Variants in SAMD12 observed in about 807,000 individuals in gnomAD.
SAMD12 encodes sterile alpha motif domain-containing protein 12.
In SAMD12, 9 loss-of-function variants were observed where a neutral mutation model predicts 15.0. The observed-to-expected ratio is 0.60, with a 90% CI of 0.36 to 1.05. SAMD12 has a LOEUF of 1.05. Among genes scored for constraint, SAMD12 ranks in the 50% least tolerant of loss-of-function variants. The pLI is 0.01. For missense variants in SAMD12, 230 were observed against 234.2 expected, an observed-to-expected ratio of 0.98 and a Z score of 0.12; for synonymous variants, 86 against 90.1, an observed-to-expected ratio of 0.96 and a Z score of 0.25.
intron 4 of SAMD12, among the ~76,000 whole-genome samples, chr8:118,334,305 T>C (rs1297682346): frequency 1.3e-5 from 2 of 152,144 alleles, no homozygotes; most frequent in African/African-American, 2.4e-5. Context: ...GCATAAGCTA[T>C]GTACACAGTA....
chr8:118,539,864 C>T (rs536930052), intron 2 of SAMD12, among the ~76,000 whole-genome samples: 1 of 152,270 alleles, frequency 6.6e-6, no homozygotes, highest in South Asian at 2.1e-4. Flanking sequence ...CACATAGAAG[C>T]AGAGGAAAAA....
intron 4 of SAMD12, among the ~76,000 whole-genome samples, chr8:118,200,735 G>A (rs993880952): frequency 6.6e-6 from 1 of 152,182 alleles, no homozygotes; most frequent in African/African-American, 2.4e-5. Flanking sequence ...TGGGCTTTAT[G>A]GGAGGACAAG....
chr8:118,416,987 T>C (rs1015168734), intron 3 of SAMD12, among the ~76,000 whole-genome samples: 1 of 152,184 alleles, frequency 6.6e-6, no homozygotes, highest in African/African-American at 2.4e-5. Flanking sequence ...GGTTTTTAAT[T>C]TTTATAAATG....
chr8:118,239,683 G>A (rs1341248403), intron 4 of SAMD12, among the ~76,000 whole-genome samples: 3 of 152,064 alleles, frequency 2.0e-5, no homozygotes, highest in African/African-American at 4.8e-5. Flanking sequence ...CTCGATATGT[G>A]GGCTAGGATA....
At chr8:118,478,055 TTGCC>T (rs1471135095) in intron 2 of SAMD12, among the ~76,000 whole-genome samples, 1 of 151,276 alleles carries the variant, frequency 6.6e-6, no homozygotes, top group Non-Finnish European at 1.5e-5. Flanking sequence ...TTCAATAATA[TTGCC>T]TGCCTGACTC....
intron 1 of SAMD12, among the ~76,000 whole-genome samples, chr8:118,615,703 T>C (rs528316926): frequency 1.3e-4 from 20 of 152,326 alleles, no homozygotes; most frequent in Middle Eastern, 3.4e-3. Flanking sequence ...AGAACACAGC[T>C]ACACCAGCAA....
chr8:118,372,610 A>T (rs1044854301), intron 4 of SAMD12, among the ~76,000 whole-genome samples: 1 of 152,154 alleles, frequency 6.6e-6, no homozygotes, highest in Non-Finnish European at 1.5e-5. Flanking sequence ...TAGTGAAATA[A>T]AAATCAGTGT....
the SAMD12 span, among the ~76,000 whole-genome samples, chr8:118,136,434 G>C: frequency 6.6e-6 from 1 of 152,200 alleles, no homozygotes; most frequent in Non-Finnish European, 1.5e-5. Flanking sequence ...GAGAACTTAA[G>C]AAGGCTTAAC....
chr8:118,447,704 A>ATATTTATTTATTTATTTATTTATT (rs71292164), intron 2 of SAMD12, among the ~76,000 whole-genome samples: 9 of 138,258 alleles, frequency 6.5e-5, no homozygotes, highest in African/African-American at 1.4e-4. Context: ...TTTATTTTTA[A>ATATTTATTTATTTATTTATTTATT]TATTTATTTA....
intron 3 of SAMD12, among the ~76,000 whole-genome samples, chr8:118,397,691 T>C (rs1820652966): frequency 6.6e-6 from 1 of 152,136 alleles, no homozygotes; most frequent in Admixed American, 6.5e-5. Flanking sequence ...CTGGGCTGGG[T>C]ATAACTATGA....
intron 1 of SAMD12, among the ~76,000 whole-genome samples, chr8:118,598,091 T>C (rs1304490404): frequency 2.0e-5 from 3 of 152,248 alleles, no homozygotes; most frequent in African/African-American, 7.2e-5. Context: ...TAAAAGGTTC[T>C]TTAAGGTCCG....
Position 118,542,566 on chromosome 8 carries a change from A to G in SAMD12, c.192+38149T>C, listed in dbSNP as rs557446152. ...ATTTCAATTCCCAACATCACTGCATAAGAATGTGAGAAGCTTTCCCAGGTC... is the reference window on the plus strand; with the variant it reads ...ATTTCAATTCCCAACATCACTGCATGAGAATGTGAGAAGCTTTCCCAGGTC... On this transcript the variant is annotated intron_variant, in intron 2 of 3. Transcript: ENST00000314727. Among the ~76,000 whole-genome samples, 18 of 152,312 alleles carry G rather than the reference A, an allele frequency of 1.2e-4. No individual in the cohort carries two copies. In the South Asian group the frequency reaches 3.3e-3, roughly 28 times the overall value.
intron 4 of SAMD12, among the ~76,000 whole-genome samples, chr8:118,358,622 A>G (rs1436822120): frequency 6.6e-6 from 1 of 152,168 alleles, no homozygotes; most frequent in Non-Finnish European, 1.5e-5. Context: ...TCCCATAATT[A>G]TACTTTTTTT....
chr8:118,345,565 GAAGA>G (rs1342015803), intron 4 of SAMD12, among the ~76,000 whole-genome samples: 1 of 152,322 alleles, frequency 6.6e-6, no homozygotes, highest in African/African-American at 2.4e-5. Flanking sequence ...CAAAGATATA[GAAGA>G]AAGACATAAA....
At chr8:118,607,280 G>T (rs559203976) in intron 1 of SAMD12, among the ~76,000 whole-genome samples, 1 of 151,958 alleles carries the variant, frequency 6.6e-6, no homozygotes, top group Admixed American at 6.6e-5. Flanking sequence ...TTATTGCCCA[G>T]GCTGGAGTAC....
chr8:118,600,949 T>C (rs756679476), intron 1 of SAMD12, among the ~76,000 whole-genome samples: 12 of 152,104 alleles, frequency 7.9e-5, no homozygotes, highest in Admixed American at 6.6e-5. Flanking sequence ...TTCCGACTCA[T>C]GACAAGAAAA....
chr8:118,434,372 C>T (rs941304364), intron 3 of SAMD12, among the ~76,000 whole-genome samples: 3 of 152,162 alleles, frequency 2.0e-5, no homozygotes, highest in Non-Finnish European at 4.4e-5. Context: ...ACCCATGGTT[C>T]GTCCATGAAG....
chr8:118,175,629 A>T, the SAMD12 span, among the ~76,000 whole-genome samples: 1 of 152,190 alleles, frequency 6.6e-6, no homozygotes, highest in African/African-American at 2.4e-5. Context: ...TCTATAAGGG[A>T]CCTAAACAAA....
intron 4 of SAMD12, among the ~76,000 whole-genome samples, chr8:118,239,652 C>G (rs1220299127): frequency 6.6e-6 from 1 of 152,148 alleles, no homozygotes; most frequent in Non-Finnish European, 1.5e-5. Flanking sequence ...GCCATTTGTT[C>G]TTCCCATCCA....
Sources: gnomAD v4.1 joint callset for allele counts (sites outside exome capture counted in the v4.1 genomes callset) on GRCh38, gnomAD v4.1.1 for gene constraint, MANE v1.5 for transcripts, NCBI Gene and HGNC (gene_info 2026-07-23, HGNC 2026-07-21) for gene names.